Variants in CNTNAP4 observed in about 807,000 individuals in gnomAD.
CNTNAP4 encodes the protein contactin-associated protein-like 4.
Under a neutral mutation model 148.4 loss-of-function variants are expected in CNTNAP4, and 98 were observed. That is an observed-to-expected ratio of 0.66 (90% CI 0.56 to 0.78). The LOEUF (loss-of-function observed/expected upper bound fraction) is 0.78. CNTNAP4 is among the 30% of genes least tolerant of loss of function. CNTNAP4 has a pLI of 0.00. For missense variants in CNTNAP4, 1,935 were observed against 1,565.6 expected (o/e 1.24, Z -3.98); for synonymous variants, 730 against 565.1 (o/e 1.29, Z -4.14).
At chr16:76,401,530 C>T (rs1346878950) in intron 3 of CNTNAP4, among the ~76,000 whole-genome samples, 1 of 151,996 alleles carries the variant, frequency 6.6e-6, no homozygotes. Flanking sequence ...ATTTGGATAC[C>T]TTTTATTTCT....
intron 2 of CNTNAP4, among the ~76,000 whole-genome samples, chr16:76,346,159 C>G (rs1392004218): frequency 1.3e-5 from 2 of 152,064 alleles, no homozygotes; most frequent in Non-Finnish European, 2.9e-5. Context: ...GTAAACAAAT[C>G]TCATGAATTG....
rs184356376 is a variant in CNTNAP4 at position 76,532,684 on chromosome 16, C to T, written c.2756-2861C>T. ...ATTCAGAGTTCACAGAATGTGGCCC[C>T]CCTGCAAAAAGTTCCTGTGCCAAAG... On this transcript the variant is annotated intron_variant, in intron 17 of 23. Coordinates refer to ENST00000611870, the MANE Select transcript of CNTNAP4 (RefSeq NM_033401.5). Among the ~76,000 whole-genome samples the T allele has an allele frequency of 4.6e-5, 7 of 152,214 alleles. 1 individual carries two copies. The highest frequency in any genetic ancestry group is 1.7e-4 in the African/African-American group (7 of 41,534).
chr16:76,546,972 AT>A, intron 21 of CNTNAP4, among the ~76,000 whole-genome samples: 1 of 152,314 alleles, frequency 6.6e-6, no homozygotes, highest in African/African-American at 2.4e-5. Context: ...ACTATAGTTC[AT>A]CCTCATTTGT....
intron 2 of CNTNAP4, among the ~76,000 whole-genome samples, chr16:76,318,014 G>A (rs949356918): frequency 2.0e-5 from 3 of 152,066 alleles, no homozygotes; most frequent in East Asian, 3.9e-4. Context: ...AGAGTTACTG[G>A]TCACATGGGA....
chr16:76,290,609 A>G (rs1334682228), intron 1 of CNTNAP4, among the ~76,000 whole-genome samples: 2 of 152,176 alleles, frequency 1.3e-5, no homozygotes, highest in Non-Finnish European at 2.9e-5. Context: ...AGAAAAGGGT[A>G]AGTGGTTGAA....
chr16:76,413,994 C>G (rs1275379202), intron 3 of CNTNAP4, among the ~76,000 whole-genome samples: 1 of 151,162 alleles, frequency 6.6e-6, no homozygotes, highest in Non-Finnish European at 1.5e-5. Context: ...ACTCATACAC[C>G]TATAAATAAA....
intron 18 of CNTNAP4, among the ~76,000 whole-genome samples, chr16:76,537,059 T>G (rs568556065): frequency 5.9e-5 from 9 of 152,312 alleles, no homozygotes; most frequent in Non-Finnish European, 1.2e-4. Flanking sequence ...CAACTTGTGA[T>G]CATAATCATA....
intron 17 of CNTNAP4, among the ~76,000 whole-genome samples, chr16:76,524,775 A>G (rs12931455): frequency 0.2 from 30,974 of 152,088 alleles, 3,297 homozygotes; most frequent in African/African-American, 0.23. Flanking sequence ...ATGTTGTATA[A>G]AAAATAACTG....
At chr16:76,418,249 T>G (rs1052771705) in intron 3 of CNTNAP4, among the ~76,000 whole-genome samples, 1 of 151,490 alleles carries the variant, frequency 6.6e-6, no homozygotes, top group Non-Finnish European at 1.5e-5. Flanking sequence ...TGTTACAACG[T>G]TTATAATTGC....
At chr16:76,469,128 A>T (rs1211865306) in intron 10 of CNTNAP4, among the ~76,000 whole-genome samples, 1 of 152,256 alleles carries the variant, frequency 6.6e-6, no homozygotes, top group East Asian at 1.9e-4. Flanking sequence ...TCTAGAAAAC[A>T]GTAATAATAA....
chr16:76,375,135 G>A (rs17766945), intron 3 of CNTNAP4, among the ~76,000 whole-genome samples: 24,374 of 152,074 alleles, frequency 0.16, 2,551 homozygotes, highest in East Asian at 0.45. Flanking sequence ...TTAAAGGCAC[G>A]TATTTACTAG....
rs2085049617 is a variant in CNTNAP4 at position 76,553,416 on chromosome 16, T to C, written c.3576T>C (p.Thr1192=). 6.2e-7 allele frequency: 1 copy of C among 1,612,450 alleles called. No homozygotes were observed. The highest frequency in any genetic ancestry group is 8.5e-7 in the Non-Finnish European group (1 of 1,179,216). ...ALHPSHPDPV[T]VTGHVTESSC... is the part of the protein sequence containing the mutation. ...ACCCCAGCCACCCAGACCCTGTCACTGTTACAGGACACGTGACTGAGTCCA... is the reference window on the plus strand; with the variant it reads ...ACCCCAGCCACCCAGACCCTGTCACCGTTACAGGACACGTGACTGAGTCCA... Residue 1192 remains threonine, a synonymous_variant, in exon 22 of 24, where the codon ACT becomes ACC. Transcript: ENST00000611870.
chr16:76,547,629 C>A (rs1184791786), intron 21 of CNTNAP4, among the ~76,000 whole-genome samples: 1 of 152,154 alleles, frequency 6.6e-6, no homozygotes, highest in East Asian at 1.9e-4. Context: ...GTTCTGAGTT[C>A]TGTTCATTTT....
intron 17 of CNTNAP4, among the ~76,000 whole-genome samples, chr16:76,532,717 C>G (rs1298397128): frequency 6.6e-6 from 1 of 152,142 alleles, no homozygotes; most frequent in Middle Eastern, 3.4e-3. Flanking sequence ...AAGTGAAAAC[C>G]AAGATGTGAG....
At chr16:76,430,131 C>A (rs1411134843) in intron 4 of CNTNAP4, among the ~76,000 whole-genome samples, 1 of 152,154 alleles carries the variant, frequency 6.6e-6, no homozygotes, top group African/African-American at 2.4e-5. Flanking sequence ...TCCACCTGTT[C>A]ATAGCATTGG....
chr16:76,387,596 A>G (rs564190376), intron 3 of CNTNAP4, among the ~76,000 whole-genome samples: 135 of 152,338 alleles, frequency 8.9e-4, no homozygotes, highest in African/African-American at 3.2e-3. Flanking sequence ...GGTAAGATCA[A>G]TATTACAGTA....
intron 2 of CNTNAP4, among the ~76,000 whole-genome samples, chr16:76,349,732 T>A (rs913424206): frequency 2.0e-5 from 3 of 152,184 alleles, no homozygotes; most frequent in African/African-American, 4.8e-5. Flanking sequence ...GATGTCCTAA[T>A]GGTGGCTAGA....
At chr16:76,368,769 T>C (rs1555534771) in intron 3 of CNTNAP4, among the ~76,000 whole-genome samples, 1 of 152,168 alleles carries the variant, frequency 6.6e-6, no homozygotes, top group Non-Finnish European at 1.5e-5. Flanking sequence ...CATGTATACC[T>C]ATGTAACAAA....
At chr16:76,432,919 T>C (rs2079661355) in intron 4 of CNTNAP4, among the ~76,000 whole-genome samples, 1 of 152,192 alleles carries the variant, frequency 6.6e-6, no homozygotes, top group African/African-American at 2.4e-5. Context: ...TTAGGGTTTC[T>C]GCATGATGCC....
Sources: allele counts gnomAD v4.1 joint callset (sites outside exome capture counted in the v4.1 genomes callset), GRCh38; gene constraint gnomAD v4.1.1; transcripts MANE v1.5; gene names NCBI Gene and HGNC (gene_info 2026-07-23, HGNC 2026-07-21).